Variants in ITPR1 observed in about 807,000 individuals in gnomAD.
The protein encoded by ITPR1 is inositol 1,4,5-trisphosphate receptor type 1.
In ITPR1, 96 loss-of-function variants were observed where a neutral mutation model predicts 318.4. The ratio of observed to expected loss-of-function variants is 0.30; its 90% CI spans 0.26 to 0.36. ITPR1 has a LOEUF of 0.36. ITPR1 is among the 10% of genes least tolerant of loss of function. The pLI is 1.00. For synonymous variants in ITPR1, 1,312 were observed against 1,289.9 expected (o/e 1.02, Z -0.37); for missense variants, 2,440 against 3,460.2 (o/e 0.71, Z 7.40).
At chr3:4,686,351 A>C (rs2094394172) in intron 30 of ITPR1, among the ~76,000 whole-genome samples, 1 of 152,220 alleles carries the variant, frequency 6.6e-6, no homozygotes. Context: ...TCCAAGCTTA[A>C]TCCCTGTCGT....
chr3:4,495,308 G>C (rs1004315215), intron 2 of ITPR1, among the ~76,000 whole-genome samples: 4 of 151,918 alleles, frequency 2.6e-5, no homozygotes, highest in African/African-American at 4.8e-5. Flanking sequence ...GGGGTGGGTG[G>C]CTGGGTCTTA....
intron 50 of ITPR1, among the ~76,000 whole-genome samples, chr3:4,783,118 T>C (rs997913752): frequency 2.0e-5 from 3 of 152,242 alleles, no homozygotes; most frequent in Non-Finnish European, 2.9e-5. Flanking sequence ...TCCTTGCATA[T>C]TGCACTTGGA....
chr3:4,662,151 C>A lies in ITPR1; in HGVS notation c.1321C>A (p.Arg441=). ...AGTTCCGGTTTCTCCTGCTGAAGTT[C>A]GGGACCTGGACTTTGCCAATGATGC... The part of the protein sequence containing the change: ...AIVPVSPAEV[R]DLDFANDASK... The change falls in exon 15 of 62, where the codon CGG becomes AGG. Residue 441 remains arginine, a synonymous_variant. Transcript: ENST00000649015. 1 of 1,613,674 alleles carries A rather than the reference C, an allele frequency of 6.2e-7. No homozygotes were observed. The highest frequency in any genetic ancestry group is 1.1e-5 in the South Asian group (1 of 91,050).
chr3:4,498,059 GT>G (rs1224392886), intron 2 of ITPR1, among the ~76,000 whole-genome samples: 1 of 152,160 alleles, frequency 6.6e-6, no homozygotes, highest in Non-Finnish European at 1.5e-5. Context: ...GGAAGGGGGA[GT>G]TAGTGTTTAT....
At chr3:4,844,648 C>T (rs909921291) in intron 61 of ITPR1, among the ~76,000 whole-genome samples, 4 of 152,172 alleles carry the variant, frequency 2.6e-5, no homozygotes, top group African/African-American at 9.7e-5. Context: ...CTTCCTGAGC[C>T]GAATCTGTGG....
intron 4 of ITPR1, among the ~76,000 whole-genome samples, chr3:4,546,930 C>T (rs1410683749): frequency 6.6e-6 from 1 of 152,080 alleles, no homozygotes; most frequent in Non-Finnish European, 1.5e-5. Context: ...TGGAAAACAA[C>T]ACTGGTTTAG....
At chr3:4,683,284 C>A (rs892653553) in intron 26 of ITPR1, 102 bp from the exon 27 acceptor site, 3 of 1,104,334 alleles carry the variant, frequency 2.7e-6, no homozygotes, top group Non-Finnish European at 4.2e-6. Flanking sequence ...CTGGAGATCA[C>A]AGTGCTAGAA....
chr3:4,658,797 G>C (rs1211745824), intron 13 of ITPR1, among the ~76,000 whole-genome samples: 1 of 151,540 alleles, frequency 6.6e-6, no homozygotes, highest in African/African-American at 2.4e-5. Flanking sequence ...CATTTTTCAG[G>C]GGACATAACT....
intron 4 of ITPR1, among the ~76,000 whole-genome samples, chr3:4,598,833 C>T (rs1384680851): frequency 6.6e-6 from 1 of 152,094 alleles, no homozygotes; most frequent in Non-Finnish European, 1.5e-5. Context: ...TATGTCATTT[C>T]CTGAACTTCT....
Position 4,813,274 on chromosome 3 carries a change from C to G in ITPR1, c.7561+40C>G, listed in dbSNP as rs370595505. On this transcript the variant is annotated intron_variant, in intron 57 of 61. Transcript: ENST00000649015. ...CTGTAAGCCCCATGTTAATATCGGA[C>G]TCCTCCAGAGGCTTAGCTGATGCAG... is the stretch of plus-strand genomic sequence containing the variant. 4 of 1,423,350 alleles carry G rather than the reference C, an allele frequency of 2.8e-6. No homozygotes were observed. The African/African-American group carries it at 5.7e-5, about 20-fold the overall frequency. 88.2% of individuals were successfully genotyped at this position (1,423,350 alleles called of 1,614,324 possible).
At chr3:4,524,317 T>G (rs1275289511) in intron 4 of ITPR1, among the ~76,000 whole-genome samples, 1 of 150,698 alleles carries the variant, frequency 6.6e-6, no homozygotes, top group Non-Finnish European at 1.5e-5. Flanking sequence ...TTTTTTTTTT[T>G]TTTTTTTTTT....
At chr3:4,520,904 C>A (rs2082513855) in intron 3 of ITPR1, 120 bp from the exon 4 acceptor site, 3 of 746,432 alleles carry the variant, frequency 4.0e-6, no homozygotes, top group African/African-American at 1.7e-5. Context: ...GAGTTCCTGG[C>A]AGGAGAATAT....
At chr3:4,577,362 T>C (rs567783090) in intron 4 of ITPR1, among the ~76,000 whole-genome samples, 1 of 152,344 alleles carries the variant, frequency 6.6e-6, no homozygotes, top group South Asian at 2.1e-4. Context: ...AGGGCTCTTG[T>C]TAAAAATACA....
chr3:4,579,065 C>T (rs1166650206), intron 4 of ITPR1, among the ~76,000 whole-genome samples: 1 of 152,148 alleles, frequency 6.6e-6, no homozygotes, highest in Non-Finnish European at 1.5e-5. Context: ...AAAGAAGCAC[C>T]ATTTGGGTAT....
At chr3:4,522,539 A>G (rs747041567) in intron 4 of ITPR1, among the ~76,000 whole-genome samples, 3 of 152,198 alleles carry the variant, frequency 2.0e-5, no homozygotes, top group Non-Finnish European at 4.4e-5. Context: ...GAGGCTGTTA[A>G]AGAGAGAGAA....
At chr3:4,808,621 T>C (rs143535141) in intron 55 of ITPR1, among the ~76,000 whole-genome samples, 18 of 152,354 alleles carry the variant, frequency 1.2e-4, no homozygotes, top group South Asian at 4.1e-4. Context: ...CTTCAAGTGA[T>C]GTGCTCCTTT....
intron 2 of ITPR1, among the ~76,000 whole-genome samples, chr3:4,497,442 G>C (rs540083493): frequency 1.3e-5 from 2 of 152,130 alleles, no homozygotes; most frequent in African/African-American, 2.4e-5. Flanking sequence ...AAACCATCCC[G>C]TTCCCAAGAG....
At position 4,795,073 on chromosome 3, in the gene ITPR1, G is replaced by C. The variant is rs767779223; in HGVS notation, c.6817G>C (p.Val2273Leu). Residue 2273 changes from valine to leucine, a missense_variant, in exon 53 of 62, where the codon GTG becomes CTG. Around this residue, in one of 23 missense-constraint regions of ITPR1, gnomAD observed 115 missense variants for 204.5 expected, o/e 0.56. Transcript: ENST00000649015. ...NWQKKLRAQPVLYWCARNMSF... is the reference protein window; with the variant it reads ...NWQKKLRAQPLLYWCARNMSF... The stretch of plus-strand genomic sequence containing the variant: ...TGCCTTTGTCTCTGCAGCCCAGCCC[G>C]TGTTGTACTGGTGTGCCCGCAACAT... The C allele has an allele frequency of 6.2e-7, 1 of 1,611,940 alleles. No individual in the cohort carries two copies. Among genetic ancestry groups the C allele is most frequent in the Non-Finnish European group, 8.5e-7 (1 of 1,178,690 alleles).
intron 4 of ITPR1, among the ~76,000 whole-genome samples, chr3:4,604,703 G>T (rs931889471): frequency 6.6e-6 from 1 of 152,058 alleles, no homozygotes; most frequent in African/African-American, 2.4e-5. Flanking sequence ...AGAACCTAGG[G>T]GTGGAGCTTA....
Sources: allele counts gnomAD v4.1 joint callset (sites outside exome capture counted in the v4.1 genomes callset), GRCh38; gene constraint gnomAD v4.1.1; regional missense constraint gnomAD v4.1.1; transcripts MANE v1.5; gene names NCBI Gene and HGNC (gene_info 2026-07-23, HGNC 2026-07-21).